JAM2: variants seen among roughly 807,000 people sequenced by gnomAD.
JAM2 encodes the protein junctional adhesion molecule 2.
JAM2 carries 17 observed loss-of-function variants against 42.0 expected under a neutral mutation model. That is an observed-to-expected ratio of 0.40 (90% CI 0.28 to 0.61). The LOEUF (loss-of-function observed/expected upper bound fraction) is 0.61. Ranked by LOEUF, JAM2 falls within the 20% of genes least tolerant of loss-of-function variation. The pLI is 0.37. For missense variants in JAM2, 319 were observed against 358.3 expected (o/e 0.89, Z 0.89); for synonymous variants, 118 against 128.6 (o/e 0.92, Z 0.56).
At chr21:25,711,432 T>C (rs1162804205) in intron 8 of JAM2, 14 of 456,076 alleles carry the variant, frequency 3.1e-5, no homozygotes, top group Non-Finnish European at 5.7e-5. Flanking sequence ...TATCTGAGGC[T>C]ATGGCAGCTG....
chr21:25,679,548 C>T (rs999076851), intron 1 of JAM2, among the ~76,000 whole-genome samples: 1 of 152,212 alleles, frequency 6.6e-6, no homozygotes, highest in Non-Finnish European at 1.5e-5. Flanking sequence ...GCCAGGGATA[C>T]TGCAAAACAT....
chr21:25,700,927 A>AT (rs1305807367), intron 5 of JAM2, among the ~76,000 whole-genome samples: 3 of 148,138 alleles, frequency 2.0e-5, no homozygotes, highest in Non-Finnish European at 4.4e-5. Flanking sequence ...TTTCAAATTT[A>AT]TTTTTTCTCA....
At chr21:25,677,832 G>A (rs1052019932) in intron 1 of JAM2, among the ~76,000 whole-genome samples, 4 of 152,116 alleles carry the variant, frequency 2.6e-5, no homozygotes, top group African/African-American at 7.2e-5. Flanking sequence ...GAGTTTCTCC[G>A]AGGGCATTAA....
Position 25,698,668 on chromosome 21 carries a change from A to G in JAM2, c.395-9A>G. 6.2e-7 allele frequency: 1 copy of G among 1,611,432 alleles called. No individual in the cohort carries two copies. The highest frequency in any genetic ancestry group is 1.3e-5 in the African/African-American group (1 of 74,976). ...AAATAATCAATATCATTTGACTTCC[A>G]TTGTTCAGTGGCTCCAGCAGTTCCA... On this transcript the variant is annotated splice_polypyrimidine_tract_variant and intron_variant, in intron 4 of 9. Coordinates refer to ENST00000480456, the MANE Select transcript of JAM2 (RefSeq NM_021219.4).
In JAM2 at chr21:25,714,922, T is replaced by C. The variant is rs2034451795; in HGVS notation, c.*250T>C. ...AAAAGAATTAAAATACTTTGTAATG[T>C]CCTGGGCTTTGGGAAATGTTAACCA... On this transcript the variant is annotated 3_prime_UTR_variant, in exon 10 of 10. Coordinates refer to ENST00000480456, the MANE Select transcript of JAM2 (RefSeq NM_021219.4). 3.0e-6 allele frequency: 1 copy of C among 338,146 alleles called. No individual in the cohort carries two copies. Among genetic ancestry groups the C allele is most frequent in the South Asian group, 1.1e-4 (1 of 9,252 alleles). 20.9% of individuals were successfully genotyped at this position (338,146 alleles called of 1,614,324 possible).
At chr21:25,669,149 G>C (rs1305837128) in intron 1 of JAM2, among the ~76,000 whole-genome samples, 1 of 152,160 alleles carries the variant, frequency 6.6e-6, no homozygotes, top group Non-Finnish European at 1.5e-5. Flanking sequence ...GAAGCAAGCA[G>C]ATCACTTGAG....
intron 1 of JAM2, among the ~76,000 whole-genome samples, chr21:25,679,116 T>C (rs2033568300): frequency 1.3e-5 from 2 of 152,218 alleles, no homozygotes; most frequent in Admixed American, 6.5e-5. Flanking sequence ...TCCAGGCTTT[T>C]AAGGGAAAAA....
intron 1 of JAM2, among the ~76,000 whole-genome samples, chr21:25,675,164 T>G (rs142944304): frequency 6.6e-6 from 1 of 152,096 alleles, no homozygotes; most frequent in South Asian, 2.1e-4. Flanking sequence ...GCATCTCACA[T>G]GGTGTGAGCT....
chr21:25,671,040 C>T (rs1472915078), intron 1 of JAM2, among the ~76,000 whole-genome samples: 1 of 152,100 alleles, frequency 6.6e-6, no homozygotes, highest in Non-Finnish European at 1.5e-5. Flanking sequence ...CATCTTCCAG[C>T]AGGAAAGTTG....
intron 1 of JAM2, among the ~76,000 whole-genome samples, chr21:25,670,138 G>C (rs1207235243): frequency 6.6e-6 from 1 of 152,116 alleles, no homozygotes; most frequent in Non-Finnish European, 1.5e-5. Context: ...ACCATATCTG[G>C]ACACAAATAC....
chr21:25,703,269 C>A (rs1359585504), intron 6 of JAM2, among the ~76,000 whole-genome samples: 1 of 152,186 alleles, frequency 6.6e-6, no homozygotes, highest in Non-Finnish European at 1.5e-5. Flanking sequence ...CTTAAGGAAT[C>A]ATATCCAGGA....
chr21:25,705,854 A>C, intron 6 of JAM2, 125 bp from the exon 7 acceptor site: 1 of 644,004 alleles, frequency 1.6e-6, no homozygotes, highest in Non-Finnish European at 2.8e-6. Context: ...CAGGCTTCAC[A>C]ATCGTTAAAG....
chr21:25,712,484 A>C (rs1203850298), intron 9 of JAM2, 102 bp downstream of exon 9: 1 of 789,454 alleles, frequency 1.3e-6, no homozygotes, highest in Non-Finnish European at 2.1e-6. Context: ...CTTTTAATAC[A>C]CTTTGCACCA....
Position 25,698,753 on chromosome 21 carries a change from CAAA to C in JAM2, c.472_474del (p.Lys158del). 1 of 1,614,128 alleles carries C rather than the reference CAAA, an allele frequency of 6.2e-7. No homozygotes were observed. The highest frequency in any genetic ancestry group is 8.5e-7 in the Non-Finnish European group (1 of 1,180,002). On this transcript the variant is annotated inframe_deletion, in exon 5 of 10. Coordinates refer to ENST00000480456, the MANE Select transcript of JAM2 (RefSeq NM_021219.4). ...CTGTGGTAGAGCTACGATGTCAAGA[CAAA>C]GAAGGGAATCCAGCTCCTGAATACA...
At chr21:25,714,109 C>A in intron 9 of JAM2, 2 of 1,200,524 alleles carry the variant, frequency 1.7e-6, no homozygotes, top group Non-Finnish European at 2.2e-6. Context: ...TTGTCTGCCT[C>A]TGCCTTCCAG....
intron 1 of JAM2, among the ~76,000 whole-genome samples, chr21:25,667,568 A>C (rs1352913288): frequency 1.3e-5 from 2 of 152,200 alleles, no homozygotes; most frequent in East Asian, 1.9e-4. Flanking sequence ...ACTTTATCAT[A>C]AGTATGTTTG....
intron 5 of JAM2, 48 bp from the exon 6 acceptor site, chr21:25,702,122 C>A: frequency 9.7e-7 from 1 of 1,027,380 alleles, no homozygotes. Context: ...AAAAAGTCTA[C>A]TTATAGATCT....
intron 1 of JAM2, among the ~76,000 whole-genome samples, chr21:25,645,173 G>A (rs150688935): frequency 2.2e-4 from 34 of 152,282 alleles, no homozygotes; most frequent in Non-Finnish European, 3.7e-4. Flanking sequence ...GAGCCACCGC[G>A]CCTGGCCTAA....
At chr21:25,644,930 G>T (rs985594540) in intron 1 of JAM2, among the ~76,000 whole-genome samples, 9 of 152,076 alleles carry the variant, frequency 5.9e-5, no homozygotes, top group Admixed American at 3.3e-4. Context: ...ACCCAAGCTG[G>T]AATGCAGTGG....
Sources: allele counts gnomAD v4.1 joint callset (sites outside exome capture counted in the v4.1 genomes callset), GRCh38; gene constraint gnomAD v4.1.1; transcripts MANE v1.5; gene names NCBI Gene and HGNC (gene_info 2026-07-23, HGNC 2026-07-21).